The following CXXC4 variants were observed in gnomAD, a reference collection of about 807,000 sequenced individuals.
The protein encoded by CXXC4 is CXXC-type zinc finger protein 4.
In CXXC4, 5 loss-of-function variants were observed where a neutral mutation model predicts 20.5. That is an observed-to-expected ratio of 0.24 (90% confidence interval 0.13 to 0.51). The LOEUF is 0.51. Ranked by LOEUF, CXXC4 falls within the 20% of genes least tolerant of loss-of-function variation. The pLI, the probability that CXXC4 is intolerant of heterozygous loss-of-function variation, is 0.97. For missense variants in CXXC4, 419 were observed against 496.4 expected (o/e 0.84, Z 1.48); for synonymous variants, 250 against 216.4 (o/e 1.16, Z -1.36).
Position 104,470,761 on chromosome 4 carries a change from T to C in CXXC4, c.*1561A>G, listed in dbSNP as rs966662851. The C allele has an allele frequency of 6.6e-6, 1 of 152,066 alleles. No individual in the cohort carries two copies. The highest frequency in any genetic ancestry group is 1.5e-5 in the Non-Finnish European group (1 of 67,974). 9.4% of individuals were successfully genotyped at this position (152,066 alleles called of 1,614,324 possible). ...GTTGCAGTAGGTAACTTTGATACTC[T>C]ACATATTTTTGCTAAACCCTGTTCT... On this transcript the variant is annotated 3_prime_UTR_variant, in exon 3 of 3. Transcript: ENST00000394767.
chr4:104,487,086 A>AT (rs539715445), intron 2 of CXXC4, among the ~76,000 whole-genome samples: 16 of 152,252 alleles, frequency 1.1e-4, no homozygotes, highest in African/African-American at 3.9e-4. Context: ...CGGCAGATAG[A>AT]TTTTTAAGAG....
chr4:104,487,513 A>G (rs1421992419), intron 2 of CXXC4, among the ~76,000 whole-genome samples: 1 of 152,174 alleles, frequency 6.6e-6, no homozygotes, highest in East Asian at 1.9e-4. Context: ...AAACTGAAGG[A>G]TTATCTTTGC....
At position 104,491,543 on chromosome 4, in the gene CXXC4, G is replaced by A; in HGVS notation, c.260C>T (p.Ser87Phe). 1 of 1,483,146 alleles carries A rather than the reference G, an allele frequency of 6.7e-7. No individual in the cohort carries two copies. Among genetic ancestry groups the A allele is most frequent in the Non-Finnish European group, 9.0e-7 (1 of 1,111,792 alleles). The allele number at this position is 1,483,146 out of a possible 1,614,324, so 91.9% of individuals were successfully genotyped here. The change falls in exon 2 of 3, where the codon TCC (serine) becomes TTC (phenylalanine). Residue 87 changes from serine (S) to phenylalanine (F), a missense_variant. Transcript: ENST00000394767. Reference sequence around the variant, plus strand: ...GGCCGCGTTGTCGCAGTTCCAGGGGGACATGCCGATGCGCGCGGCGGCCGC... The same window carrying A: ...GGCCGCGTTGTCGCAGTTCCAGGGGAACATGCCGATGCGCGCGGCGGCCGC... ...AAAAAARIGM[S>F]PWNCDNAATA...
rs1736862495 is a variant in CXXC4, at chr4:104,491,385, C to CGGA, written c.415_417dup (p.Ser139dup). The CGGA allele has an allele frequency of 7.6e-7, 1 of 1,320,426 alleles. No individual in the cohort carries two copies. The highest frequency in any genetic ancestry group is 3.3e-5 in the Admixed American group (1 of 30,088). 81.8% of individuals were successfully genotyped at this position (1,320,426 alleles called of 1,614,324 possible). Reference sequence around the variant, plus strand: ...GAGGAGGCGGAGGAGGAGGCGGCGGCGGAGGAGGATTTCCTGCCGCCCCCA... The same window carrying CGGA: ...GAGGAGGCGGAGGAGGAGGCGGCGGCGGAGGAGGAGGATTTCCTGCCGCCCCCA... On this transcript the variant is annotated inframe_insertion, in exon 2 of 3. Coordinates refer to ENST00000394767, the MANE Select transcript of CXXC4 (RefSeq NM_025212.4).
chr4:104,491,326 G>T lies in CXXC4; in HGVS notation c.477C>A (p.Gly159=). Reference sequence around the variant, plus strand: ...TCCTGCTGCCGCCGCCGCCGCCGCCGCCGCCACCGCCGGCGGGGAGGATCG... The same window carrying T: ...TCCTGCTGCCGCCGCCGCCGCCGCCTCCGCCACCGCCGGCGGGGAGGATCG... ...SSAILPAGGG[G]GGGGGGSRTS... Residue 159 remains glycine, a synonymous_variant, in exon 2 of 3, where the codon GGC becomes GGA. Transcript: ENST00000394767. 1 of 1,554,950 alleles carries T rather than the reference G, an allele frequency of 6.4e-7. No homozygotes were observed.
chr4:104,491,286 G>C lies in CXXC4; in HGVS notation c.517C>G (p.Arg173Gly). The C allele has an allele frequency of 6.2e-7, 1 of 1,611,340 alleles. No homozygotes were observed. The highest frequency in any genetic ancestry group is 8.5e-7 in the Non-Finnish European group (1 of 1,179,544). ...GGGSRTSMHH[R>G]NDSQRLGKAG... ...TTCCCCAGCCTCTGGGAGTCGTTTC[G>C]GTGGTGCATGCTGGTCCTGCTGCCG... Residue 173 changes from arginine (R) to glycine (G), a missense_variant, in exon 2 of 3, where the codon CGA becomes GGA. Coordinates refer to ENST00000394767, the MANE Select transcript of CXXC4 (RefSeq NM_025212.4).
chr4:104,483,537 A>C (rs1233531818), intron 2 of CXXC4, among the ~76,000 whole-genome samples: 5 of 151,870 alleles, frequency 3.3e-5, no homozygotes, highest in Non-Finnish European at 5.9e-5. Flanking sequence ...TAGCTACTTC[A>C]CTTTTTAGGT....
Position 104,491,314 on chromosome 4 carries a change from G to A in CXXC4, c.489C>T (p.Gly163=), listed in dbSNP as rs1359933837. Residue 163 remains glycine, a synonymous_variant, in exon 2 of 3, where the codon GGC becomes GGT. Transcript: ENST00000394767. The part of the protein sequence containing the change: ...LPAGGGGGGG[G]GGSRTSMHHR... ...GGTGCATGCTGGTCCTGCTGCCGCC[G>A]CCGCCGCCGCCGCCGCCACCGCCGG... is the stretch of plus-strand genomic sequence containing the variant. 5.1e-6 allele frequency: 8 copies of A among 1,554,410 alleles called. No homozygotes were observed. The highest frequency in any genetic ancestry group is 2.5e-5 in the East Asian group (1 of 40,582).
rs1578323624 is a variant in CXXC4, at chr4:104,491,260, T to C, written c.543A>G (p.Lys181=). The C allele has an allele frequency of 1.9e-6, 3 of 1,612,360 alleles. No homozygotes were observed. Among genetic ancestry groups the C allele is most frequent in the East Asian group, 2.2e-5 (1 of 44,710 alleles). ...HHRNDSQRLG[K]AGCPPEPSLQ... is the part of the protein sequence containing the mutation. ...ACGACGGCTCTGGCGGGCAGCCAGCTTTCCCCAGCCTCTGGGAGTCGTTTC... is the reference window on the plus strand; with the variant it reads ...ACGACGGCTCTGGCGGGCAGCCAGCCTTCCCCAGCCTCTGGGAGTCGTTTC... Residue 181 remains lysine, a synonymous_variant, in exon 2 of 3, where the codon AAA becomes AAG. Transcript: ENST00000394767.
chr4:104,472,425 G>C (rs1736299832), intron 2 of CXXC4, 59 bp from the exon 3 acceptor site: 1 of 1,293,786 alleles, frequency 7.7e-7, no homozygotes, highest in Non-Finnish European at 1.1e-6. Flanking sequence ...TATAAAATTA[G>C]ATTTTTCTCC....
intron 1 of CXXC4, among the ~76,000 whole-genome samples, chr4:104,493,720 A>G (rs974545780): frequency 1.3e-5 from 2 of 152,136 alleles, no homozygotes; most frequent in African/African-American, 4.8e-5. Flanking sequence ...GGCAATACAA[A>G]AGGTGCCCCC....
rs762489729 is a variant in CXXC4 at position 104,491,126 on chromosome 4, A to T, written c.677T>A (p.Ile226Lys). ...CCCCACGCGCTCGGGGAGATTCATT[A>T]TCTCTGCTTCAGCAGCGCCGCATTT... ...KLKCGAAEAE[I>K]MNLPERVGTF... The change falls in exon 2 of 3, where the codon ATA becomes AAA. Residue 226 changes from isoleucine to lysine, a missense_variant. Around this residue, in one of 3 missense-constraint regions of CXXC4, gnomAD observed 388 missense variants for 416.0 expected, o/e 0.93. Transcript: ENST00000394767. 1 of 1,614,104 alleles carries T rather than the reference A, an allele frequency of 6.2e-7. No homozygotes were observed. The highest frequency in any genetic ancestry group is 8.5e-7 in the Non-Finnish European group (1 of 1,180,024).
chr4:104,489,959 G>C (rs982725704), intron 2 of CXXC4, among the ~76,000 whole-genome samples: 1 of 152,114 alleles, frequency 6.6e-6, no homozygotes, highest in Admixed American at 6.5e-5. Context: ...GAGCCCAGGG[G>C]AAATACTTTT....
chr4:104,491,413 A>ACCCCCG lies in CXXC4; in HGVS notation c.384_389dup (p.Gly133_Gly134dup), dbSNP rs1353628694. ...AGGAGGATTTCCTGCCGCCCCCACC[A>ACCCCCG]CCCCCGCCCCCGCCTCCGCCGCCGC... On this transcript the variant is annotated inframe_insertion, in exon 2 of 3. Transcript: ENST00000394767. The ACCCCCG allele has an allele frequency of 2.0e-4, 182 of 931,994 alleles. No individual in the cohort carries two copies. The African/African-American group carries it at 2.3e-3, about 12-fold the overall frequency. The allele number at this position is 931,994 out of a possible 1,614,324, so 57.7% of individuals were successfully genotyped here.
In CXXC4 at chr4:104,491,108, C is replaced by T; in HGVS notation, c.695G>A (p.Arg232His). The change falls in exon 2 of 3, where the codon CGC (arginine) becomes CAC (histidine). Residue 232 changes from arginine (R) to histidine (H), a missense_variant. Transcript: ENST00000394767. ...AEAEIMNLPE[R>H]VGTFSAIPAL... Reference sequence around the variant, plus strand: ...CGGGATAGCGGAAAAAGTCCCCACGCGCTCGGGGAGATTCATTATCTCTGC... The same window carrying T: ...CGGGATAGCGGAAAAAGTCCCCACGTGCTCGGGGAGATTCATTATCTCTGC... 1 of 1,614,094 alleles carries T rather than the reference C, an allele frequency of 6.2e-7. No homozygotes were observed. The highest frequency in any genetic ancestry group is 1.1e-5 in the South Asian group (1 of 91,084).
chr4:104,488,667 A>G (rs1335949452), intron 2 of CXXC4, among the ~76,000 whole-genome samples: 2 of 152,214 alleles, frequency 1.3e-5, no homozygotes, highest in African/African-American at 4.8e-5. Flanking sequence ...TTTTAAAAAG[A>G]AGAAAATGTA....
At position 104,470,240 on chromosome 4, in the gene CXXC4, C is replaced by G. The variant is rs1203654173; in HGVS notation, c.*2082G>C. On this transcript the variant is annotated 3_prime_UTR_variant, in exon 3 of 3. Coordinates refer to ENST00000394767, the MANE Select transcript of CXXC4 (RefSeq NM_025212.4). ...GCTGAAATTCTAACTAGATAGAAAC[C>G]CTCAAAGAAATATACATCAAGTAGA... 1 of 150,536 alleles carries G rather than the reference C, an allele frequency of 6.6e-6. No homozygotes were observed. Among genetic ancestry groups the G allele is most frequent in the African/African-American group, 2.4e-5 (1 of 41,030 alleles). The allele number at this position is 150,536 out of a possible 1,614,324, so 9.3% of individuals were successfully genotyped here.
chr4:104,492,649 A>G (rs1297666964), intron 1 of CXXC4, among the ~76,000 whole-genome samples: 1 of 152,182 alleles, frequency 6.6e-6, no homozygotes, highest in East Asian at 1.9e-4. Flanking sequence ...CTAAAGAGGC[A>G]GGGAAAAAAG....
At chr4:104,474,181 A>T (rs557984928) in intron 2 of CXXC4, among the ~76,000 whole-genome samples, 1 of 152,052 alleles carries the variant, frequency 6.6e-6, no homozygotes, top group East Asian at 1.9e-4. Flanking sequence ...AAAAGCACAA[A>T]CAAAAAAGTT....
Sources: gnomAD v4.1 joint callset for allele counts (sites outside exome capture counted in the v4.1 genomes callset) on GRCh38, gnomAD v4.1.1 for gene constraint, gnomAD v4.1.1 regional missense constraint, MANE v1.5 for transcripts, NCBI Gene and HGNC (gene_info 2026-07-23, HGNC 2026-07-21) for gene names.